GNE: variants seen among roughly 807,000 people sequenced by gnomAD.
GNE encodes bifunctional UDP-N-acetylglucosamine 2-epimerase/N-acetylmannosamine kinase.
A neutral mutation model predicts 61.8 loss-of-function variants in GNE; 41 were observed. The observed-to-expected ratio is 0.66, with a 90% CI of 0.52 to 0.86. The LOEUF is 0.86. Ranked by LOEUF, GNE falls within the 40% of genes least tolerant of loss-of-function variation. GNE has a pLI of 0.00. For missense variants in GNE, 608 were observed against 909.1 expected (o/e 0.67, Z 4.26); for synonymous variants, 264 against 326.4 (o/e 0.81, Z 2.06).
At chr9:36,235,213 T>G (rs935967229) in intron 4 of GNE, among the ~76,000 whole-genome samples, 1 of 152,226 alleles carries the variant, frequency 6.6e-6, no homozygotes, top group Non-Finnish European at 1.5e-5. Flanking sequence ...TTAGGGATAC[T>G]CAAACTGTAG....
chr9:36,260,448 G>A (rs997157138), upstream of GNE, among the ~76,000 whole-genome samples: 1 of 152,156 alleles, frequency 6.6e-6, no homozygotes, highest in Non-Finnish European at 1.5e-5. Flanking sequence ...TGAGATGCCT[G>A]TGAGCCACAT....
intron 7 of GNE, among the ~76,000 whole-genome samples, chr9:36,225,400 C>A (rs554510124): frequency 6.6e-6 from 1 of 152,042 alleles, no homozygotes; most frequent in Non-Finnish European, 1.5e-5. Context: ...TTTGGGAGGT[C>A]GAGGCTGGCA....
At chr9:36,253,587 A>T (rs1179099494) in intron 1 of GNE, among the ~76,000 whole-genome samples, 1 of 151,924 alleles carries the variant, frequency 6.6e-6, no homozygotes. Flanking sequence ...CACAAATCTT[A>T]CTTTTTAAAA....
intron 1 of GNE, chr9:36,265,375 C>T (rs544642892): frequency 2.2e-6 from 1 of 454,844 alleles, no homozygotes. Context: ...GCTCTGGGAG[C>T]AAGGACCCCC....
chr9:36,235,155 C>T (rs992382615), intron 4 of GNE, among the ~76,000 whole-genome samples: 1 of 152,180 alleles, frequency 6.6e-6, no homozygotes, highest in Non-Finnish European at 1.5e-5. Context: ...CATATTGGTG[C>T]TCAAAAAGTT....
chr9:36,249,414 A>G lies in GNE; in HGVS notation c.-42-17T>C, dbSNP rs758032062. On this transcript the variant is annotated splice_polypyrimidine_tract_variant and intron_variant, in intron 1 of 11. Transcript: ENST00000642385. ...ATAGAGTTCCTGAAATTGCCAAAATAAAAACTTTATAATCAGAATAACTCC... is the reference window on the plus strand; with the variant it reads ...ATAGAGTTCCTGAAATTGCCAAAATGAAAACTTTATAATCAGAATAACTCC... 2 of 1,548,540 alleles carry G rather than the reference A, an allele frequency of 1.3e-6. No individual in the cohort carries two copies. The highest frequency in any genetic ancestry group is 1.8e-6 in the Non-Finnish European group (2 of 1,125,010).
chr9:36,266,993 G>A (rs1334321763), intron 1 of GNE, among the ~76,000 whole-genome samples: 1 of 152,214 alleles, frequency 6.6e-6, no homozygotes, highest in African/African-American at 2.4e-5. Context: ...TTGAACCTGG[G>A]AGGCGAAGGT....
chr9:36,241,414 A>C (rs1829625395), intron 3 of GNE, among the ~76,000 whole-genome samples: 1 of 152,142 alleles, frequency 6.6e-6, no homozygotes, highest in Non-Finnish European at 1.5e-5. Flanking sequence ...TGTGCCCAGC[A>C]ACAGTTTCTT....
intron 1 of GNE, among the ~76,000 whole-genome samples, chr9:36,270,829 T>A (rs1455725989): frequency 6.6e-6 from 1 of 152,128 alleles, no homozygotes; most frequent in African/African-American, 2.4e-5. Context: ...ACAGGAGGAT[T>A]TCTTGAGCCC....
chr9:36,274,057 G>C (rs1223527943), intron 1 of GNE, among the ~76,000 whole-genome samples: 4 of 149,138 alleles, frequency 2.7e-5, no homozygotes, highest in African/African-American at 7.5e-5. Flanking sequence ...CAGGTGCTTC[G>C]GTCTATGGTA....
chr9:36,215,967 G>C lies in GNE; in HGVS notation c.*1398C>G. 1 of 236,000 alleles carries C rather than the reference G, an allele frequency of 4.2e-6. No individual in the cohort carries two copies. The highest frequency in any genetic ancestry group is 4.9e-5 in the South Asian group (1 of 20,602). 14.6% of individuals were successfully genotyped at this position (236,000 alleles called of 1,614,324 possible). ...GTTAATCTCCTTTTAAAGGCTCTAA[G>C]TCCCAGTGGCTTCTCAGCTGTCCTA... On this transcript the variant is annotated 3_prime_UTR_variant, in exon 12 of 12. Coordinates refer to ENST00000642385, the MANE Select transcript of GNE (RefSeq NM_005476.7).
chr9:36,227,074 T>C (rs533133350), intron 7 of GNE, among the ~76,000 whole-genome samples, 174 bp downstream of exon 7: 1 of 152,276 alleles, frequency 6.6e-6, no homozygotes, highest in African/African-American at 2.4e-5. Context: ...GAAATGTTAA[T>C]GATCAGTAAA....
At chr9:36,217,692 G>T in intron 11 of GNE, 92 bp from the exon 12 acceptor site, 1 of 790,342 alleles carries the variant, frequency 1.3e-6, no homozygotes, top group Non-Finnish European at 2.2e-6. Flanking sequence ...CAGCAGAAAT[G>T]TTAAAGAACA....
Position 36,249,235 on chromosome 9 carries a change from G to A in GNE, c.121C>T (p.Leu41Phe). 6.2e-7 allele frequency: 1 copy of A among 1,614,132 alleles called. No homozygotes were observed. Among genetic ancestry groups the A allele is most frequent in the Non-Finnish European group, 8.5e-7 (1 of 1,179,992 alleles). ...TGAGAGCCAAGTACCACAACATCAA[G>A]TTCAAAGAACTCAGGTTCGGTTTTA... ...GIKTEPEFFE[L>F]DVVVLGSHLI... Residue 41 changes from leucine to phenylalanine, a missense_variant, in exon 2 of 12, where the codon CTT becomes TTT. By Grantham distance (22) the Leu-to-Phe change is conservative (BLOSUM62 0). Transcript: ENST00000642385.
intron 7 of GNE, among the ~76,000 whole-genome samples, chr9:36,226,701 T>C (rs1276354605): frequency 6.6e-6 from 1 of 152,224 alleles, no homozygotes; most frequent in Non-Finnish European, 1.5e-5. Flanking sequence ...TTCTAAGTCA[T>C]TAGAGATCAC....
rs1306983149 is a variant in GNE at position 36,241,910 on chromosome 9, C to T, written c.616+4121G>A. Among the ~76,000 whole-genome samples, 7 of 151,914 alleles carry T rather than the reference C, an allele frequency of 4.6e-5. No individual in the cohort carries two copies. The South Asian group carries it at 1.2e-3, about 27-fold the overall frequency. ...CAGCAGTTTGGAGGGCTGAGGAGGG[C>T]GGATCACCTGAGGTCAGGAGTTCGA... On this transcript the variant is annotated intron_variant, in intron 3 of 11. Coordinates refer to ENST00000642385, the MANE Select transcript of GNE (RefSeq NM_005476.7).
In GNE at chr9:36,222,764, C is replaced by G; in HGVS notation, c.1633+13G>C. On this transcript the variant is annotated intron_variant, in intron 9 of 11. Transcript: ENST00000642385. ...TTCTAGCTCCTGAACCAACCTCCCCCTACCCCTCTTACCTGTGCCTGTGAT... is the reference window on the plus strand; with the variant it reads ...TTCTAGCTCCTGAACCAACCTCCCCGTACCCCTCTTACCTGTGCCTGTGAT... The G allele has an allele frequency of 6.4e-7, 1 of 1,570,494 alleles. No homozygotes were observed.
At chr9:36,267,300 G>A (rs1830839852) in intron 1 of GNE, among the ~76,000 whole-genome samples, 1 of 152,210 alleles carries the variant, frequency 6.6e-6, no homozygotes, top group African/African-American at 2.4e-5. Flanking sequence ...AGCACCTGTG[G>A]TGGTGAGCCA....
At position 36,235,732 on chromosome 9, in the gene GNE, T is replaced by G. The variant is rs1829363030; in HGVS notation, c.769+1100A>C. 3.9e-5 allele frequency among the ~76,000 whole-genome samples: 6 copies of G among 152,192 alleles called. No homozygotes were observed. In the South Asian group the frequency reaches 1.2e-3, roughly 31 times the overall value. On this transcript the variant is annotated intron_variant, in intron 4 of 11. Coordinates refer to ENST00000642385, the MANE Select transcript of GNE (RefSeq NM_005476.7). ...TTTTCCAACTAATATCCTACTTTGT[T>G]CTCCCTAACAGAAAAGATTCTTCAA...
Sources: allele counts gnomAD v4.1 joint callset (sites outside exome capture counted in the v4.1 genomes callset), GRCh38; gene constraint gnomAD v4.1.1; transcripts MANE v1.5; gene names NCBI Gene and HGNC (gene_info 2026-07-23, HGNC 2026-07-21).